IFT43: variants seen among roughly 807,000 people sequenced by gnomAD.
The protein encoded by IFT43 is intraflagellar transport 43.
In IFT43, 33 loss-of-function variants were observed where a neutral mutation model predicts 32.3. The ratio of observed to expected loss-of-function variants is 1.02; its 90% CI spans 0.77 to 1.37. The LOEUF (loss-of-function observed/expected upper bound fraction) is 1.37. Among genes scored for constraint, IFT43 ranks in the 40% most tolerant of loss-of-function variants. The probability of loss-of-function intolerance (pLI) is 0.00; values close to 1 mark genes in which losing one functional copy is unlikely to be tolerated. For synonymous variants in IFT43, 93 were observed against 98.2 expected (o/e 0.95, Z 0.31); for missense variants, 274 against 265.9 (o/e 1.03, Z -0.21).
intron 2 of IFT43, among the ~76,000 whole-genome samples, chr14:75,999,279 A>ATTTTTTT (rs2035835976): frequency 4.8e-5 from 1 of 20,672 alleles, no homozygotes; most frequent in African/African-American, 1.5e-4. Context: ...ATATGTATAT[A>ATTTTTTT]TATTTTTTTT....
intron 5 of IFT43, among the ~76,000 whole-genome samples, chr14:76,076,898 T>C (rs1298816990): frequency 1.3e-5 from 2 of 152,068 alleles, no homozygotes; most frequent in African/African-American, 2.4e-5. Context: ...TTTCTATTTA[T>C]TTAGGCAGCA....
At chr14:76,020,590 G>A (rs908546259) in intron 2 of IFT43, among the ~76,000 whole-genome samples, 27 of 152,010 alleles carry the variant, frequency 1.8e-4, no homozygotes, top group African/African-American at 6.5e-4. Flanking sequence ...CTGGGTGGGT[G>A]CAGTGATGTA....
intron 4 of IFT43, 43 bp downstream of exon 4, chr14:76,058,717 T>A (rs775780005): frequency 6.2e-7 from 1 of 1,610,438 alleles, no homozygotes; most frequent in South Asian, 1.1e-5. Flanking sequence ...CCTATGTTGA[T>A]CTTGGTCAAC....
rs541901966 is a variant in IFT43, at chr14:76,064,814, A to G, written c.295+5441A>G. On this transcript the variant is annotated intron_variant, in intron 5 of 8. Transcript: ENST00000314067. The stretch of plus-strand genomic sequence containing the variant: ...TGGAAACACGAGAAAACAAATTGAT[A>G]ATCTATAGAATTATCTGGACTTGTA... 1.2e-3 allele frequency among the ~76,000 whole-genome samples: 186 copies of G among 152,266 alleles called. 1 individual carries two copies. Among genetic ancestry groups the G allele is most frequent in the Non-Finnish European group, 1.9e-3 (129 of 68,022 alleles).
rs777388844 is a variant in IFT43, at chr14:75,985,772, C to T, written c.-15C>T. 8.7e-6 allele frequency: 14 copies of T among 1,614,058 alleles called. No homozygotes were observed. The East Asian group carries it at 2.5e-4, about 28-fold the overall frequency. ...CCAGTCGGTTTCCAGGAAGTGACGTCAGGCGGCCGCGGAGATGGAGGATTT... is the reference window on the plus strand; with the variant it reads ...CCAGTCGGTTTCCAGGAAGTGACGTTAGGCGGCCGCGGAGATGGAGGATTT... On this transcript the variant is annotated 5_prime_UTR_variant, in exon 1 of 9. Coordinates refer to ENST00000314067, the MANE Select transcript of IFT43 (RefSeq NM_001102564.3).
chr14:76,018,599 C>CTT (rs993195469), intron 2 of IFT43, among the ~76,000 whole-genome samples: 1 of 151,980 alleles, frequency 6.6e-6, no homozygotes, highest in Non-Finnish European at 1.5e-5. Flanking sequence ...TCCCAGTTTT[C>CTT]TTTATTGGTT....
intron 3 of IFT43, among the ~76,000 whole-genome samples, chr14:76,049,691 C>T (rs1361183299): frequency 6.7e-6 from 1 of 148,752 alleles, no homozygotes; most frequent in Non-Finnish European, 1.5e-5. Context: ...TCTCCCCACC[C>T]CCAACCCCCT....
intron 2 of IFT43, among the ~76,000 whole-genome samples, chr14:76,003,108 A>G (rs1344600193): frequency 6.6e-6 from 1 of 152,234 alleles, no homozygotes; most frequent in Non-Finnish European, 1.5e-5. Context: ...GGAAAAGGGT[A>G]CTGACTAATG....
intron 2 of IFT43, among the ~76,000 whole-genome samples, chr14:76,021,863 T>C (rs1020786924): frequency 2.0e-5 from 3 of 152,242 alleles, no homozygotes; most frequent in East Asian, 3.8e-4. Flanking sequence ...CAGATTTTCA[T>C]AGTAAATTAC....
At chr14:76,004,370 A>T (rs2035943926) in intron 2 of IFT43, among the ~76,000 whole-genome samples, 1 of 151,996 alleles carries the variant, frequency 6.6e-6, no homozygotes, top group Non-Finnish European at 1.5e-5. Context: ...AAAAATTGCC[A>T]TACCTTTTGT....
chr14:76,051,913 C>T (rs2140034558), intron 3 of IFT43, among the ~76,000 whole-genome samples: 1 of 152,282 alleles, frequency 6.6e-6, no homozygotes, highest in Non-Finnish European at 1.5e-5. Flanking sequence ...GTTTCTTTCA[C>T]CTGCAACAAG....
chr14:76,076,748 T>C, intron 5 of IFT43: 1 of 1,596,436 alleles, frequency 6.3e-7, no homozygotes, highest in Non-Finnish European at 8.6e-7. Context: ...GGGACTTTGC[T>C]AGGTAATTAG....
intron 1 of IFT43, chr14:75,986,242 A>C (rs1474417381): frequency 4.1e-5 from 53 of 1,291,988 alleles, no homozygotes; most frequent in Non-Finnish European, 5.0e-5. Context: ...TCGTCGCAGA[A>C]GTTCCTGCAA....
chr14:76,027,200 T>C (rs1460720154), intron 3 of IFT43, among the ~76,000 whole-genome samples: 1 of 152,106 alleles, frequency 6.6e-6, no homozygotes, highest in African/African-American at 2.4e-5. Flanking sequence ...TTTACCTGTA[T>C]AACAAACCTG....
rs187255998 is a variant in IFT43, at chr14:76,061,517, A to C, written c.295+2144A>C. Among the ~76,000 whole-genome samples the C allele has an allele frequency of 1.8e-3, 278 of 152,128 alleles. 1 individual carries two copies. The highest frequency in any genetic ancestry group is 3.3e-3 in the Non-Finnish European group (225 of 67,974). On this transcript the variant is annotated intron_variant, in intron 5 of 8. Transcript: ENST00000314067. ...GCTTGGTGTTTTTTGTTTTTAGTCT[A>C]CTTTTTTTCTCAGTGCTTCAACTTG...
chr14:76,037,674 C>A (rs2036625859), intron 3 of IFT43, among the ~76,000 whole-genome samples: 1 of 138,744 alleles, frequency 7.2e-6, no homozygotes, highest in African/African-American at 2.7e-5. Context: ...CTAAATGTGG[C>A]TTTTCCCTCA....
chr14:76,064,014 C>T (rs142438917), intron 5 of IFT43, among the ~76,000 whole-genome samples: 1 of 152,182 alleles, frequency 6.6e-6, no homozygotes, highest in African/African-American at 2.4e-5. Flanking sequence ...CATCTCATTC[C>T]GGGCAGGGGA....
chr14:76,061,175 C>T (rs1370479465), intron 5 of IFT43, among the ~76,000 whole-genome samples: 1 of 152,212 alleles, frequency 6.6e-6, no homozygotes, highest in Admixed American at 6.5e-5. Flanking sequence ...GCCACCTCGC[C>T]TGGCCTACAT....
intron 5 of IFT43, among the ~76,000 whole-genome samples, chr14:76,073,144 A>G (rs1378436621): frequency 6.6e-6 from 1 of 152,024 alleles, no homozygotes; most frequent in Non-Finnish European, 1.5e-5. Flanking sequence ...TGCAATGGAA[A>G]AAGATAGGTG....
Sources: allele counts gnomAD v4.1 joint callset (sites outside exome capture counted in the v4.1 genomes callset), GRCh38; gene constraint gnomAD v4.1.1; transcripts MANE v1.5; gene names NCBI Gene and HGNC (gene_info 2026-07-23, HGNC 2026-07-21).